KCNMB2: variants seen among roughly 807,000 people sequenced by gnomAD.
KCNMB2 encodes potassium calcium-activated channel subfamily M regulatory beta subunit 2.
KCNMB2 carries 9 observed loss-of-function variants against 24.5 expected under a neutral mutation model. The ratio of observed to expected loss-of-function variants is 0.37; its 90% CI spans 0.22 to 0.64. The LOEUF (loss-of-function observed/expected upper bound fraction) is 0.64. Ranked by LOEUF, KCNMB2 falls within the 30% of genes least tolerant of loss-of-function variation. KCNMB2 has a pLI of 0.63. For missense variants in KCNMB2, 226 were observed against 284.3 expected (o/e 0.79, Z 1.47); for synonymous variants, 109 against 104.4 (o/e 1.04, Z -0.27).
At position 178,778,466 on chromosome 3, in the gene KCNMB2, A is replaced by G. The variant is rs1712683834; in HGVS notation, c.-67-28877A>G. The stretch of plus-strand genomic sequence containing the variant: ...TTTCTACCCTTTAAGACACACACAC[A>G]CACACACACACACACACACACACAC... On this transcript the variant is annotated intron_variant, in intron 1 of 4. Transcript: ENST00000452583. 2.6e-4 allele frequency among the ~76,000 whole-genome samples: 23 copies of G among 88,544 alleles called. 1 individual carries two copies. The highest frequency in any genetic ancestry group is 1.8e-3 in the South Asian group (5 of 2,840). The allele number at this position is 88,544 out of a possible 152,430, so 58.1% of individuals were successfully genotyped here.
At chr3:178,644,211 C>T (rs945284617) in intron 1 of KCNMB2, among the ~76,000 whole-genome samples, 3 of 152,204 alleles carry the variant, frequency 2.0e-5, no homozygotes, top group Non-Finnish European at 4.4e-5. Context: ...CTTCAAGATA[C>T]AGGAGAAACT....
At chr3:178,663,038 C>T (rs544514229) in intron 1 of KCNMB2, among the ~76,000 whole-genome samples, 3 of 152,270 alleles carry the variant, frequency 2.0e-5, no homozygotes, top group African/African-American at 7.2e-5. Context: ...TTCATCTCTG[C>T]TCCACGTGGT....
intron 1 of KCNMB2, among the ~76,000 whole-genome samples, chr3:178,552,483 A>G (rs1715989461): frequency 6.6e-6 from 1 of 152,034 alleles, no homozygotes. Flanking sequence ...TTATTTACCT[A>G]ATAATTTCCA....
At chr3:178,608,905 G>T (rs1461068216) in intron 1 of KCNMB2, among the ~76,000 whole-genome samples, 2 of 152,100 alleles carry the variant, frequency 1.3e-5, no homozygotes, top group African/African-American at 4.8e-5. Flanking sequence ...GGACACTTAG[G>T]TTGCTTCCAA....
intron 1 of KCNMB2, among the ~76,000 whole-genome samples, chr3:178,640,282 C>T (rs1218915138): frequency 6.6e-6 from 1 of 152,088 alleles, no homozygotes; most frequent in Non-Finnish European, 1.5e-5. Context: ...ACAGGCTGTA[C>T]AGGAAGCATG....
At chr3:178,746,642 A>AC (rs2108383519) in intron 1 of KCNMB2, among the ~76,000 whole-genome samples, 2 of 152,280 alleles carry the variant, frequency 1.3e-5, no homozygotes, top group East Asian at 3.9e-4. Context: ...CCTTTAAAAA[A>AC]CTGAATGCCT....
At chr3:178,655,095 CCTCTCTCTCTCTCTCTCT>C (rs67468527) in intron 1 of KCNMB2, among the ~76,000 whole-genome samples, 10 of 111,138 alleles carry the variant, frequency 9.0e-5, no homozygotes, top group South Asian at 3.1e-4. Flanking sequence ...ATTAGCTCTC[CCTCTCTCTCTCTCTCTCT>C]CTCTCTCTCT....
At chr3:178,623,712 T>C (rs1001073083) in intron 1 of KCNMB2, among the ~76,000 whole-genome samples, 1 of 152,230 alleles carries the variant, frequency 6.6e-6, no homozygotes, top group South Asian at 2.1e-4. Context: ...TCTAGGTTTT[T>C]GTTTATTGTT....
chr3:178,734,220 TA>T (rs1723245905), intron 1 of KCNMB2, among the ~76,000 whole-genome samples: 1 of 152,222 alleles, frequency 6.6e-6, no homozygotes, highest in Non-Finnish European at 1.5e-5. Context: ...TTTTAGACAA[TA>T]TTTTTTACTA....
chr3:178,544,905 T>C (rs531207798), intron 1 of KCNMB2, among the ~76,000 whole-genome samples: 1 of 152,234 alleles, frequency 6.6e-6, no homozygotes, highest in Non-Finnish European at 1.5e-5. Flanking sequence ...ATATTAAGTA[T>C]ATACAATAGG....
intron 2 of KCNMB2, among the ~76,000 whole-genome samples, chr3:178,816,910 T>C (rs530366226): frequency 5.9e-5 from 9 of 152,272 alleles, no homozygotes; most frequent in Non-Finnish European, 1.3e-4. Context: ...ATTCACATAA[T>C]TTTCTGTTTC....
At chr3:178,655,095 CCTCTCTCTCTCTCTCTCTCTCTCTCT>C (rs67468527) in intron 1 of KCNMB2, among the ~76,000 whole-genome samples, 2 of 111,086 alleles carry the variant, frequency 1.8e-5, no homozygotes, top group African/African-American at 3.5e-5. Flanking sequence ...ATTAGCTCTC[CCTCTCTCTCTCTCTCTCTCTCTCTCT>C]CTCTCTCTCT....
intron 1 of KCNMB2, among the ~76,000 whole-genome samples, chr3:178,736,801 G>A (rs1227357681): frequency 6.6e-6 from 1 of 152,206 alleles, no homozygotes; most frequent in South Asian, 2.1e-4. Flanking sequence ...ATTAATTTAA[G>A]TACTGGTGCC....
intron 1 of KCNMB2, among the ~76,000 whole-genome samples, chr3:178,625,437 C>T (rs1194301189): frequency 1.3e-5 from 2 of 152,180 alleles, no homozygotes; most frequent in African/African-American, 2.4e-5. Flanking sequence ...CAGGCCCAGC[C>T]GCTTGCCAAG....
chr3:178,569,097 T>G (rs1287650945), intron 1 of KCNMB2, among the ~76,000 whole-genome samples: 3 of 152,124 alleles, frequency 2.0e-5, no homozygotes, highest in Non-Finnish European at 4.4e-5. Flanking sequence ...TCTCTTTATT[T>G]CTTGGCTCTT....
intron 1 of KCNMB2, among the ~76,000 whole-genome samples, chr3:178,564,989 A>G (rs936073022): frequency 4.6e-5 from 7 of 152,252 alleles, no homozygotes; most frequent in African/African-American, 1.7e-4. Flanking sequence ...ATATTAAAGT[A>G]TATGAAATTA....
chr3:178,639,554 A>G (rs1008180513), intron 1 of KCNMB2, among the ~76,000 whole-genome samples: 1 of 152,212 alleles, frequency 6.6e-6, no homozygotes, highest in African/African-American at 2.4e-5. Flanking sequence ...CAAAGTTATT[A>G]ATAAAAATAA....
intron 1 of KCNMB2, among the ~76,000 whole-genome samples, chr3:178,759,936 C>A (rs200013917): frequency 0.37 from 306 of 830 alleles, 49 homozygotes; most frequent in African/African-American, 0.5. Context: ...GAGGATATAT[C>A]TATATATATA....
chr3:178,778,455 G>GACACACACACACACAC (rs71628070), intron 1 of KCNMB2, among the ~76,000 whole-genome samples: 3 of 127,546 alleles, frequency 2.4e-5, no homozygotes, highest in South Asian at 2.7e-4. Context: ...TACCCTTTAA[G>GACACACACACACACAC]ACACACACAC....
Sources: gnomAD v4.1 joint callset for allele counts (sites outside exome capture counted in the v4.1 genomes callset) on GRCh38, gnomAD v4.1.1 for gene constraint, MANE v1.5 for transcripts, NCBI Gene and HGNC (gene_info 2026-07-23, HGNC 2026-07-21) for gene names.